The following SLC6A4 variants were observed in gnomAD, a reference collection of about 807,000 sequenced individuals.
SLC6A4 encodes sodium-dependent serotonin transporter.
Under a neutral mutation model 73.4 loss-of-function variants are expected in SLC6A4, and 22 were observed. That is an observed-to-expected ratio of 0.30 (90% CI 0.21 to 0.43). SLC6A4 has a LOEUF of 0.43. SLC6A4 is among the 20% of genes least tolerant of loss of function. The pLI is 1.00. For missense variants in SLC6A4, 593 were observed against 808.5 expected (o/e 0.73, Z 3.23); for synonymous variants, 270 against 315.5 (o/e 0.86, Z 1.53).
In SLC6A4 at chr17:30,195,458, A is replaced by C. The variant is rs1382543077; in HGVS notation, c.*2998T>G. 1 of 152,132 alleles carries C rather than the reference A, an allele frequency of 6.6e-6. No individual in the cohort carries two copies. Among genetic ancestry groups the C allele is most frequent in the African/African-American group, 2.4e-5 (1 of 41,416 alleles). 9.4% of individuals were successfully genotyped at this position (152,132 alleles called of 1,614,324 possible). A position where few individuals can be genotyped will look rare whatever the true frequency, so the allele number is the denominator to read the frequency against. ...GTATTTTTAGTAGAGATGGGGTTTC[A>C]CCATGTTGGCCAGGCTGGTCTCGAA... On this transcript the variant is annotated 3_prime_UTR_variant, in exon 15 of 15. Coordinates refer to ENST00000650711, the MANE Select transcript of SLC6A4 (RefSeq NM_001045.6).
rs200861739 is a variant in SLC6A4 at position 30,197,284 on chromosome 17, G to C, written c.*1172C>G. 1 of 152,336 alleles carries C rather than the reference G, an allele frequency of 6.6e-6. No homozygotes were observed. Among genetic ancestry groups the C allele is most frequent in the African/African-American group, 2.4e-5 (1 of 41,442 alleles). The allele number at this position is 152,336 out of a possible 1,614,324, so 9.4% of individuals were successfully genotyped here. A position where few individuals can be genotyped will look rare whatever the true frequency, so the allele number is the denominator to read the frequency against. On this transcript the variant is annotated 3_prime_UTR_variant, in exon 15 of 15. Transcript: ENST00000650711. ...ATCTGGAGGGCTCACAATCGTGACC[G>C]CCAGCGAGCGGCGAGGTCCACGTAA...
At chr17:30,201,736 C>T (rs767754252) in intron 14 of SLC6A4, among the ~76,000 whole-genome samples, 41 of 152,128 alleles carry the variant, frequency 2.7e-4, no homozygotes, top group Non-Finnish European at 4.9e-4. Context: ...TTAGTAACTA[C>T]GGAGCTCAGA....
intron 3 of SLC6A4, among the ~76,000 whole-genome samples, chr17:30,220,142 A>G (rs1325369671): frequency 1.3e-5 from 2 of 152,220 alleles, no homozygotes; most frequent in African/African-American, 2.4e-5. Context: ...CTACATGGAC[A>G]GAAATCTTTA....
At position 30,211,531 on chromosome 17, in the gene SLC6A4, C is replaced by T. The variant is rs1906385861; in HGVS notation, c.1205-107G>A. 2.8e-6 allele frequency: 2 copies of T among 724,866 alleles called. No homozygotes were observed. Among genetic ancestry groups the T allele is most frequent in the Admixed American group, 2.1e-5 (1 of 47,712 alleles). The allele number at this position is 724,866 out of a possible 1,614,324, so 44.9% of individuals were successfully genotyped here. On this transcript the variant is annotated intron_variant, in intron 9 of 14. Coordinates refer to ENST00000650711, the MANE Select transcript of SLC6A4 (RefSeq NM_001045.6). This position sits in a 1 kb window ranked among gnomAD's most constrained non-coding sequence, Gnocchi z 4.0. The stretch of plus-strand genomic sequence containing the variant: ...AACAGTTACAATTCTCATCACAAGA[C>T]CTTATGTGTGAATCAGGTTTTGACA...
At chr17:30,218,968 C>T (rs750324599) in intron 3 of SLC6A4, 37 bp from the exon 4 acceptor site, 32 of 1,612,328 alleles carry the variant, frequency 2.0e-5, no homozygotes, top group Admixed American at 5.0e-5. Context: ...TCCCTGCCCA[C>T]GTCTGTCCCA....
rs1906547419 is a variant in SLC6A4, at chr17:30,215,604, T to C, written c.1076+7A>G. ...TCAAGCTTTGCTTGGGGACCCCAGA[T>C]ACTCACTGGTAGCAGTTGTTGTTGA... On this transcript the variant is annotated splice_region_variant and intron_variant, in intron 8 of 14. Transcript: ENST00000650711. The C allele has an allele frequency of 6.2e-7, 1 of 1,609,818 alleles. No individual in the cohort carries two copies. The highest frequency in any genetic ancestry group is 8.5e-7 in the Non-Finnish European group (1 of 1,176,014).
rs1905870833 is a variant in SLC6A4, at chr17:30,196,615, A to G, written c.*1841T>C. On this transcript the variant is annotated 3_prime_UTR_variant, in exon 15 of 15. Transcript: ENST00000650711. ...TCATGGTTTTTCTTTTGCACCAACT[A>G]ATATTTACCACTGAACACGCTGGCA... The G allele has an allele frequency of 6.6e-6, 1 of 152,344 alleles. No individual in the cohort carries two copies. Among genetic ancestry groups the G allele is most frequent in the Non-Finnish European group, 1.5e-5 (1 of 68,030 alleles). The allele number at this position is 152,344 out of a possible 1,614,324, so 9.4% of individuals were successfully genotyped here. A position where few individuals can be genotyped will look rare whatever the true frequency, so the allele number is the denominator to read the frequency against.
chr17:30,213,024 C>G (rs34149483), intron 8 of SLC6A4, among the ~76,000 whole-genome samples, 157 bp from the exon 9 acceptor site: 1 of 152,294 alleles, frequency 6.6e-6, no homozygotes, highest in East Asian at 1.9e-4. Context: ...GGAGTCCCTT[C>G]GCCTTCTCCC....
intron 9 of SLC6A4, 125 bp downstream of exon 9, chr17:30,212,615 T>C (rs1156422609): frequency 1.8e-6 from 2 of 1,118,844 alleles, no homozygotes; most frequent in Admixed American, 2.0e-5. Flanking sequence ...AACTCCACCA[T>C]GCCCAGCCTT....
intron 6 of SLC6A4, among the ~76,000 whole-genome samples, chr17:30,216,491 G>A (rs1030187845): frequency 6.6e-6 from 1 of 151,998 alleles, no homozygotes; most frequent in Non-Finnish European, 1.5e-5. Context: ...GTATCTAGCA[G>A]GAAACAATAG....
At position 30,221,493 on chromosome 17, in the gene SLC6A4, C is replaced by T. The variant is rs1398325480; in HGVS notation, c.343+123G>A. 8.3e-6 allele frequency: 6 copies of T among 725,976 alleles called. No individual in the cohort carries two copies. The East Asian group carries it at 1.4e-4, about 17-fold the overall frequency. 45.0% of individuals were successfully genotyped at this position (725,976 alleles called of 1,614,324 possible). On this transcript the variant is annotated intron_variant, in intron 3 of 14. Coordinates refer to ENST00000650711, the MANE Select transcript of SLC6A4 (RefSeq NM_001045.6). Reference sequence around the variant, plus strand: ...ACAGCCCACCCGGGTCACAGCCCATCCCAGGTCACAGCCCACCCCAGGTCG... The same window carrying T: ...ACAGCCCACCCGGGTCACAGCCCATTCCAGGTCACAGCCCACCCCAGGTCG...
chr17:30,211,947 G>A lies in SLC6A4; in HGVS notation c.1205-523C>T, dbSNP rs1906398406. ...CATGTCTTCAGCCTCTCATGGGTTA[G>A]CTAGGGGTGCCCTCGTTTGGGGTAT... On this transcript the variant is annotated intron_variant, in intron 9 of 14. Transcript: ENST00000650711. This position sits in a 1 kb window ranked among gnomAD's most constrained non-coding sequence, Gnocchi z 4.0. 6.6e-6 allele frequency among the ~76,000 whole-genome samples: 1 copy of A among 152,078 alleles called. No homozygotes were observed. Among genetic ancestry groups the A allele is most frequent in the South Asian group, 2.1e-4 (1 of 4,826 alleles).
In SLC6A4 at chr17:30,218,895, A is replaced by G. The variant is rs780022333; in HGVS notation, c.380T>C (p.Phe127Ser). The G allele has an allele frequency of 1.3e-5, 21 of 1,613,990 alleles. No individual in the cohort carries two copies. The highest frequency in any genetic ancestry group is 1.2e-4 in the South Asian group (11 of 91,060). The change falls in exon 4 of 15, where the codon TTT becomes TCT. Residue 127 changes from phenylalanine (F) to serine (S), a missense_variant. Phe to Ser is a radical substitution (Grantham distance 155). Coordinates refer to ENST00000650711, the MANE Select transcript of SLC6A4 (RefSeq NM_001045.6). ...FLLPYTIMAIFGGIPLFYMEL... is the reference protein window; with the variant it reads ...FLLPYTIMAISGGIPLFYMEL... ...CATGTAAAAGAGCGGGATTCCCCCA[A>G]AAATGGCCATGATGGTGTAGGGGAG... is the stretch of plus-strand genomic sequence containing the variant.
At chr17:30,208,483 A>C (rs1906276910) in intron 12 of SLC6A4, among the ~76,000 whole-genome samples, 1 of 152,094 alleles carries the variant, frequency 6.6e-6, no homozygotes, top group African/African-American at 2.4e-5. Context: ...CTTCCCCGAG[A>C]GGTCCCAGCA....
chr17:30,217,256 C>T lies in SLC6A4; in HGVS notation c.747G>A (p.Gly249=), dbSNP rs1906607166. The change falls in exon 6 of 15, where the codon GGG becomes GGA. Residue 249 remains glycine, a synonymous_variant. Transcript: ENST00000650711. ...AGAGGGCCAGCTGCCAGCTGATGCCCCCCAGGTCCTGGAGCCCCTTAGACC... is the reference window on the plus strand; with the variant it reads ...AGAGGGCCAGCTGCCAGCTGATGCCTCCCAGGTCCTGGAGCCCCTTAGACC... The part of the protein sequence containing the change: ...IHRSKGLQDL[G]GISWQLALCI... 2 of 1,614,002 alleles carry T rather than the reference C, an allele frequency of 1.2e-6. No individual in the cohort carries two copies. Among genetic ancestry groups the T allele is most frequent in the South Asian group, 1.1e-5 (1 of 91,074 alleles).
Position 30,212,713 on chromosome 17 carries a change from G to A in SLC6A4, c.1204+27C>T, listed in dbSNP as rs200105413. ...AGCAAAGCAACTCAGTAGGAGCAAG[G>A]GACCTGCATAGAACCCGAGGTCCTA... On this transcript the variant is annotated intron_variant, in intron 9 of 14. Transcript: ENST00000650711. 13 of 1,611,544 alleles carry A rather than the reference G, an allele frequency of 8.1e-6. No individual in the cohort carries two copies. The East Asian group carries it at 2.7e-4, about 33-fold the overall frequency.
At position 30,217,986 on chromosome 17, in the gene SLC6A4, C is replaced by T. The variant is rs1353508001; in HGVS notation, c.698+132G>A. On this transcript the variant is annotated intron_variant, in intron 5 of 14. Transcript: ENST00000650711. ...AGTTTCCCAGCTCCAAATTCTGCTA[C>T]TCCCACCCCTGATAGCTTCATCTCT... The T allele has an allele frequency of 4.4e-6, 3 of 688,348 alleles. No individual in the cohort carries two copies. The Admixed American group carries it at 7.7e-5, about 18-fold the overall frequency. The allele number at this position is 688,348 out of a possible 1,614,324, so 42.6% of individuals were successfully genotyped here.
rs1263766922 is a variant in SLC6A4, at chr17:30,214,436, A to AAG, written c.1076+1174_1076+1175insCT. Among the ~76,000 whole-genome samples, 684 of 150,394 alleles carry AAG rather than the reference A, an allele frequency of 4.5e-3. 6 individuals are homozygous for AAG. Among genetic ancestry groups the AAG allele is most frequent in the African/African-American group, 0.016 (653 of 41,064 alleles). Reference sequence around the variant, plus strand: ...AAACTCCGTCTCAAAAAAAAAAAAAAAAAAAGAAAAGAAAAGAAAAATTAT... The same window carrying AAG: ...AAACTCCGTCTCAAAAAAAAAAAAAAAGAAAAAGAAAAGAAAAGAAAAATTAT... On this transcript the variant is annotated intron_variant, in intron 8 of 14. Coordinates refer to ENST00000650711, the MANE Select transcript of SLC6A4 (RefSeq NM_001045.6).
chr17:30,205,673 A>T (rs1906170356), intron 13 of SLC6A4, among the ~76,000 whole-genome samples: 1 of 152,192 alleles, frequency 6.6e-6, no homozygotes, highest in Non-Finnish European at 1.5e-5. Context: ...GCAGCCTGGG[A>T]ACATGTGCTG....
Sources: gnomAD v4.1 joint callset for allele counts (sites outside exome capture counted in the v4.1 genomes callset) on GRCh38, gnomAD v4.1.1 for gene constraint, Gnocchi (gnomAD v3.1) non-coding constraint, MANE v1.5 for transcripts, NCBI Gene and HGNC (gene_info 2026-07-23, HGNC 2026-07-21) for gene names.